The following ZBTB46 variants were observed in gnomAD, a reference collection of about 807,000 sequenced individuals.
The protein encoded by ZBTB46 is zinc finger and BTB domain containing 46, also known as zinc finger and BTB domain-containing protein 46.
A neutral mutation model predicts 44.1 loss-of-function variants in ZBTB46; 8 were observed. The observed-to-expected ratio is 0.18, with a 90% CI of 0.11 to 0.33. The LOEUF (loss-of-function observed/expected upper bound fraction) is 0.33, where lower values mean the gene tolerates loss of function less well. Among genes scored for constraint, ZBTB46 ranks in the 10% least tolerant of loss-of-function variants. The pLI is 1.00. For missense variants in ZBTB46, 651 were observed against 847.7 expected (o/e 0.77, Z 2.88); for synonymous variants, 409 against 382.3 (o/e 1.07, Z -0.81).
chr20:63,744,319 T>C lies in ZBTB46; in HGVS notation c.*2611A>G, dbSNP rs780541588. ...TCCCTACGTAGCCCTGGCAGTGTCCTGTGTCCCAAAGCTCAGAGAGCCCCA... is the reference window on the plus strand; with the variant it reads ...TCCCTACGTAGCCCTGGCAGTGTCCCGTGTCCCAAAGCTCAGAGAGCCCCA... On this transcript the variant is annotated 3_prime_UTR_variant, in exon 5 of 5. Transcript: ENST00000245663. 6.6e-6 allele frequency: 1 copy of C among 152,252 alleles called. No homozygotes were observed. The highest frequency in any genetic ancestry group is 1.5e-5 in the Non-Finnish European group (1 of 68,050). The allele number at this position is 152,252 out of a possible 1,614,324, so 9.4% of individuals were successfully genotyped here.
intron 1 of ZBTB46, among the ~76,000 whole-genome samples, chr20:63,826,004 G>T (rs962000919): frequency 3.9e-5 from 6 of 152,040 alleles, no homozygotes; most frequent in African/African-American, 9.7e-5. Context: ...GTCAACACCG[G>T]GAGTTCCTAA....
At chr20:63,786,513 T>G (rs2092515550) in intron 2 of ZBTB46, among the ~76,000 whole-genome samples, 2 of 151,868 alleles carry the variant, frequency 1.3e-5, no homozygotes, top group South Asian at 4.2e-4. Context: ...GTTTTTTGAT[T>G]TGTTTTGTTT....
At chr20:63,800,966 G>A (rs533756445) in intron 1 of ZBTB46, among the ~76,000 whole-genome samples, 37 of 152,364 alleles carry the variant, frequency 2.4e-4, no homozygotes, top group Admixed American at 1.4e-3. Flanking sequence ...CCCCAGTGCC[G>A]GATCCACTCG....
At chr20:63,817,666 A>C (rs1410976449) in intron 1 of ZBTB46, among the ~76,000 whole-genome samples, 3 of 149,948 alleles carry the variant, frequency 2.0e-5, no homozygotes, top group African/African-American at 5.0e-5. Flanking sequence ...CAGTGAGCTG[A>C]AATGGTGCCA....
chr20:63,794,142 A>C (rs188452006), intron 1 of ZBTB46, among the ~76,000 whole-genome samples: 1 of 151,380 alleles, frequency 6.6e-6, no homozygotes, highest in East Asian at 1.9e-4. Flanking sequence ...GCTGAGATCG[A>C]GCCACTGCAC....
intron 3 of ZBTB46, among the ~76,000 whole-genome samples, chr20:63,754,851 G>A (rs1182494254): frequency 1.3e-5 from 2 of 152,062 alleles, no homozygotes; most frequent in Non-Finnish European, 2.9e-5. Context: ...CGCCCGCCTC[G>A]GCCTCTCAAA....
In ZBTB46 at chr20:63,820,430, A is replaced by ATT. The variant is rs1555858191; in HGVS notation, c.-34+10665_-34+10666dup. Among the ~76,000 whole-genome samples the ATT allele has an allele frequency of 3.7e-4, 55 of 146,734 alleles. No homozygotes were observed. The East Asian group carries it at 0.013, about 35-fold the overall frequency. On this transcript the variant is annotated intron_variant, in intron 1 of 4. Coordinates refer to ENST00000245663, the MANE Select transcript of ZBTB46 (RefSeq NM_001369741.1). ...AACAGGCACACTTTTTAAGAAGTATATTATATATATATATTTTTTTTTTGA... is the reference window on the plus strand; with the variant it reads ...AACAGGCACACTTTTTAAGAAGTATATTTTATATATATATATTTTTTTTTTGA...
In ZBTB46 at chr20:63,775,512, A is replaced by T. The variant is rs911728177; in HGVS notation, c.1222+166T>A. The T allele has an allele frequency of 4.6e-6, 4 of 874,940 alleles. No individual in the cohort carries two copies. In the African/African-American group the frequency reaches 5.1e-5, roughly 11 times the overall value. The allele number at this position is 874,940 out of a possible 1,614,324, so 54.2% of individuals were successfully genotyped here. On this transcript the variant is annotated intron_variant, in intron 3 of 4. Coordinates refer to ENST00000245663, the MANE Select transcript of ZBTB46 (RefSeq NM_001369741.1). ...CAGCCCCCCGTGCACCTGAGAGGCC[A>T]GTCCAGGCTGTGACGCCGCATCCTC...
chr20:63,749,724 A>G (rs1486221116), intron 4 of ZBTB46, among the ~76,000 whole-genome samples: 4 of 152,254 alleles, frequency 2.6e-5, no homozygotes, highest in Non-Finnish European at 4.4e-5. Flanking sequence ...AACCTGGTGC[A>G]CACAGGCCCA....
In ZBTB46 at chr20:63,752,985, G is replaced by T. The variant is rs554832911; in HGVS notation, c.1223-124C>A. On this transcript the variant is annotated intron_variant, in intron 3 of 4. Transcript: ENST00000245663. This position sits in a 1 kb window ranked among gnomAD's most constrained non-coding sequence, Gnocchi z 5.6. ...GGGCTGTCTCCCACGGCCACCCACTGGGGGCTGGTCAGCACTGCGACAGGC... is the reference window on the plus strand; with the variant it reads ...GGGCTGTCTCCCACGGCCACCCACTTGGGGCTGGTCAGCACTGCGACAGGC... The T allele has an allele frequency of 5.7e-4, 623 of 1,094,280 alleles. No homozygotes were observed. The highest frequency in any genetic ancestry group is 1.5e-3 in the Admixed American group (57 of 37,628). The allele number at this position is 1,094,280 out of a possible 1,614,324, so 67.8% of individuals were successfully genotyped here.
chr20:63,831,127 G>A lies in ZBTB46; in HGVS notation c.-64C>T, dbSNP rs2146121631. On this transcript the variant is annotated 5_prime_UTR_variant, in exon 1 of 5. Coordinates refer to ENST00000245663, the MANE Select transcript of ZBTB46 (RefSeq NM_001369741.1). ...ACCCCATGGGGCGCGGGCGAGGGCGGGCGCCGCGGCCGCCGGGCCGGCGCC... is the reference window on the plus strand; with the variant it reads ...ACCCCATGGGGCGCGGGCGAGGGCGAGCGCCGCGGCCGCCGGGCCGGCGCC... 1 of 142,258 alleles carries A rather than the reference G, an allele frequency of 7.0e-6. No individual in the cohort carries two copies. The highest frequency in any genetic ancestry group is 6.9e-5 in the Admixed American group (1 of 14,520). The allele number at this position is 142,258 out of a possible 1,614,324, so 8.8% of individuals were successfully genotyped here.
chr20:63,747,032 G>C lies in ZBTB46; in HGVS notation c.1668C>G (p.Ala556=). 1.9e-6 allele frequency: 3 copies of C among 1,608,262 alleles called. No homozygotes were observed. The highest frequency in any genetic ancestry group is 2.5e-6 in the Non-Finnish European group (3 of 1,179,454). ...CGTCCGCCAACAGCGCATCCTCAGG[G>C]GCCAGGCCCTCGTCGTCCTCGCCCA... ...EELGEDDEGL[A]PEDALLADDK... The change falls in exon 5 of 5, where the codon GCC becomes GCG. Residue 556 remains alanine (A), a synonymous_variant. Coordinates refer to ENST00000245663, the MANE Select transcript of ZBTB46 (RefSeq NM_001369741.1).
intron 3 of ZBTB46, among the ~76,000 whole-genome samples, chr20:63,753,418 T>C (rs1174123442): frequency 6.6e-6 from 1 of 152,212 alleles, no homozygotes; most frequent in African/African-American, 2.4e-5. Flanking sequence ...TCAAGTTCTT[T>C]TCCCCCAACC....
At chr20:63,809,994 C>G (rs2092708751) in intron 1 of ZBTB46, among the ~76,000 whole-genome samples, 1 of 151,572 alleles carries the variant, frequency 6.6e-6, no homozygotes, top group South Asian at 2.1e-4. Context: ...ACTCTAAATA[C>G]ATGGAACTGG....
intron 1 of ZBTB46, among the ~76,000 whole-genome samples, chr20:63,801,620 G>A (rs1263442253): frequency 2.0e-5 from 3 of 152,166 alleles, no homozygotes; most frequent in African/African-American, 7.2e-5. Flanking sequence ...TGAGCTGTAA[G>A]ACTCACCGTG....
chr20:63,825,292 T>C (rs1273340003), intron 1 of ZBTB46, among the ~76,000 whole-genome samples: 1 of 150,842 alleles, frequency 6.6e-6, no homozygotes. Flanking sequence ...TCCCAGCTTC[T>C]AGGGAGGCCA....
intron 3 of ZBTB46, chr20:63,775,450 G>A: frequency 1.5e-5 from 7 of 473,876 alleles, no homozygotes; most frequent in South Asian, 5.0e-5. Context: ...TGCCCGCCGC[G>A]CTCACAACCG....
chr20:63,759,689 A>G (rs541938502), intron 3 of ZBTB46, among the ~76,000 whole-genome samples: 27 of 152,334 alleles, frequency 1.8e-4, no homozygotes, highest in African/African-American at 6.0e-4. Context: ...AACTCTGAAT[A>G]TAAGTGGTGA....
At chr20:63,778,999 G>A (rs568891312) in intron 2 of ZBTB46, among the ~76,000 whole-genome samples, 1 of 152,288 alleles carries the variant, frequency 6.6e-6, no homozygotes, top group South Asian at 2.1e-4. Context: ...CGGCAGGTGA[G>A]CCCTGGGGGC....
Sources: gnomAD v4.1 joint callset for allele counts (sites outside exome capture counted in the v4.1 genomes callset) on GRCh38, gnomAD v4.1.1 for gene constraint, Gnocchi (gnomAD v3.1) non-coding constraint, MANE v1.5 for transcripts, NCBI Gene and HGNC (gene_info 2026-07-23, HGNC 2026-07-21) for gene names.